MARCHF1: variants seen among roughly 807,000 people sequenced by gnomAD.
The protein encoded by MARCHF1 is membrane associated ring-CH-type finger 1.
MARCHF1 carries 40 observed loss-of-function variants against 54.2 expected under a neutral mutation model. The observed-to-expected ratio is 0.74, with a 90% confidence interval of 0.57 to 0.96. The LOEUF (loss-of-function observed/expected upper bound fraction) is 0.96, where lower values mean the gene tolerates loss of function less well. Ranked by LOEUF, MARCHF1 falls within the 40% of genes least tolerant of loss-of-function variation. MARCHF1 has a pLI of 0.00. For missense variants in MARCHF1, 586 were observed against 656.5 expected (o/e 0.89, Z 1.17); for synonymous variants, 236 against 236.3 (o/e 1.00, Z 0.01).
intron 1 of MARCHF1, among the ~76,000 whole-genome samples, chr4:164,262,320 C>A (rs1423827205): frequency 1.3e-5 from 2 of 152,132 alleles, no homozygotes; most frequent in African/African-American, 4.8e-5. Context: ...GCTTCTCCAT[C>A]ATTTCCCCAC....
At chr4:163,644,683 C>G (rs931333579) in intron 5 of MARCHF1, among the ~76,000 whole-genome samples, 1 of 152,178 alleles carries the variant, frequency 6.6e-6, no homozygotes, top group South Asian at 2.1e-4. Flanking sequence ...TTAGGTTATA[C>G]AGCAGATCCC....
chr4:163,737,196 A>G lies in MARCHF1; in HGVS notation c.112-36333T>C, dbSNP rs946821506. Reference sequence around the variant, plus strand: ...TTTTTTTTTTTTCACATATTAGTTTATTTATTTATTTTTTTTAATTTTTTT... The same window carrying G: ...TTTTTTTTTTTTCACATATTAGTTTGTTTATTTATTTTTTTTAATTTTTTT... On this transcript the variant is annotated intron_variant, in intron 4 of 9. Coordinates refer to ENST00000514618, the MANE Select transcript of MARCHF1 (RefSeq NM_001394959.1). 1.3e-4 allele frequency among the ~76,000 whole-genome samples: 4 copies of G among 31,210 alleles called. 1 individual carries two copies. Among genetic ancestry groups the G allele is most frequent in the East Asian group, 8.1e-4 (2 of 2,484 alleles). 20.5% of individuals were successfully genotyped at this position (31,210 alleles called of 152,430 possible). A position where few individuals can be genotyped will look rare whatever the true frequency, so the allele number is the denominator to read the frequency against.
At chr4:164,015,041 T>A (rs971468416) in intron 2 of MARCHF1, among the ~76,000 whole-genome samples, 4 of 152,116 alleles carry the variant, frequency 2.6e-5, no homozygotes, top group African/African-American at 9.7e-5. Flanking sequence ...CTAATAGACA[T>A]GATCTGATTT....
chr4:164,214,545 G>T (rs945410136), intron 1 of MARCHF1, among the ~76,000 whole-genome samples: 1 of 152,028 alleles, frequency 6.6e-6, no homozygotes, highest in African/African-American at 2.4e-5. Context: ...TTGTGTAAAT[G>T]GTAGACATAG....
chr4:163,647,824 C>T (rs1234056019), intron 5 of MARCHF1, among the ~76,000 whole-genome samples: 1 of 151,098 alleles, frequency 6.6e-6, no homozygotes, highest in Non-Finnish European at 1.5e-5. Context: ...AATAAATAAC[C>T]TATGTTTCAT....
intron 3 of MARCHF1, among the ~76,000 whole-genome samples, chr4:163,964,987 A>G (rs923532008): frequency 2.0e-5 from 3 of 151,966 alleles, no homozygotes; most frequent in Non-Finnish European, 4.4e-5. Flanking sequence ...TATATTATTG[A>G]TAGTTTTGCT....
intron 4 of MARCHF1, among the ~76,000 whole-genome samples, chr4:163,745,584 A>G (rs149796013): frequency 1.5e-4 from 23 of 152,334 alleles, no homozygotes; most frequent in African/African-American, 5.3e-4. Context: ...CAAATAGCTC[A>G]ATATGGATCC....
At chr4:163,731,471 T>C (rs1209799233) in intron 4 of MARCHF1, among the ~76,000 whole-genome samples, 1 of 152,186 alleles carries the variant, frequency 6.6e-6, no homozygotes, top group Non-Finnish European at 1.5e-5. Context: ...TCTCGCTGCC[T>C]GGAGAAAGTT....
intron 3 of MARCHF1, among the ~76,000 whole-genome samples, chr4:163,919,094 T>C (rs1376306593): frequency 1.3e-5 from 2 of 152,144 alleles, no homozygotes; most frequent in African/African-American, 4.8e-5. Context: ...CAATCTATGA[T>C]TAATATTGAT....
chr4:163,667,018 A>G (rs1743560170), intron 5 of MARCHF1, among the ~76,000 whole-genome samples: 1 of 152,128 alleles, frequency 6.6e-6, no homozygotes, highest in Admixed American at 6.6e-5. Flanking sequence ...AAATTTTATC[A>G]GCAAAAAATT....
chr4:164,223,417 T>C (rs1732166855), intron 1 of MARCHF1, among the ~76,000 whole-genome samples: 1 of 151,952 alleles, frequency 6.6e-6, no homozygotes, highest in South Asian at 2.1e-4. Context: ...AGATGAGCAT[T>C]TTTTCAACAA....
chr4:163,820,487 G>A (rs28637179), intron 4 of MARCHF1, among the ~76,000 whole-genome samples: 43,141 of 151,860 alleles, frequency 0.28, 7,627 homozygotes, highest in Non-Finnish European at 0.41. Flanking sequence ...CAGATTCAAT[G>A]ATGTACTCAT....
chr4:163,658,987 G>A (rs957201753), intron 5 of MARCHF1, among the ~76,000 whole-genome samples: 4 of 151,836 alleles, frequency 2.6e-5, no homozygotes, highest in African/African-American at 9.7e-5. Flanking sequence ...AAATGATTTA[G>A]CTGGATATAT....
intron 2 of MARCHF1, among the ~76,000 whole-genome samples, chr4:163,994,091 C>T (rs1326008855): frequency 6.6e-6 from 1 of 151,972 alleles, no homozygotes; most frequent in Non-Finnish European, 1.5e-5. Flanking sequence ...ATAGAAAAAA[C>T]TGTTTCGGAG....
At chr4:164,363,048 T>C (rs1014853980) in intron 1 of MARCHF1, among the ~76,000 whole-genome samples, 2 of 152,200 alleles carry the variant, frequency 1.3e-5, no homozygotes, top group African/African-American at 2.4e-5. Context: ...TTATTAACAA[T>C]AAACCCACAA....
intron 2 of MARCHF1, among the ~76,000 whole-genome samples, chr4:164,017,624 C>T (rs1253954494): frequency 6.6e-6 from 1 of 151,736 alleles, no homozygotes; most frequent in East Asian, 1.9e-4. Context: ...GACCTAGCCA[C>T]TGAAAACTAC....
At chr4:164,170,351 T>G (rs1193294555) in intron 1 of MARCHF1, among the ~76,000 whole-genome samples, 1 of 152,068 alleles carries the variant, frequency 6.6e-6, no homozygotes, top group Non-Finnish European at 1.5e-5. Context: ...GAGTTTGTGA[T>G]AAATGGGTGG....
intron 1 of MARCHF1, among the ~76,000 whole-genome samples, chr4:164,225,251 T>C (rs1029942712): frequency 9.2e-5 from 14 of 152,244 alleles, no homozygotes; most frequent in African/African-American, 3.4e-4. Flanking sequence ...GTGCAATGAA[T>C]AGATTTTTTG....
At chr4:164,307,748 G>A (rs1269734800) in intron 1 of MARCHF1, among the ~76,000 whole-genome samples, 2 of 152,284 alleles carry the variant, frequency 1.3e-5, no homozygotes, top group African/African-American at 4.8e-5. Context: ...TTAAATTCGT[G>A]TTACAGTTAG....
Sources: gnomAD v4.1 joint callset for allele counts (sites outside exome capture counted in the v4.1 genomes callset) on GRCh38, gnomAD v4.1.1 for gene constraint, MANE v1.5 for transcripts, NCBI Gene and HGNC (gene_info 2026-07-23, HGNC 2026-07-21) for gene names.